Variants in MGAT4C observed in about 807,000 individuals in gnomAD.
The protein encoded by MGAT4C is alpha-1,3-mannosyl-glycoprotein 4-beta-N-acetylglucosaminyltransferase C.
Under a neutral mutation model 40.1 loss-of-function variants are expected in MGAT4C, and 19 were observed. The ratio of observed to expected loss-of-function variants is 0.47; its 90% confidence interval spans 0.33 to 0.70. The LOEUF is 0.70. MGAT4C is among the 30% of genes least tolerant of loss of function. The pLI is 0.02. For missense variants in MGAT4C, 491 were observed against 563.2 expected (o/e 0.87, Z 1.30); for synonymous variants, 181 against 187.1 (o/e 0.97, Z 0.27).
intron 2 of MGAT4C, among the ~76,000 whole-genome samples, chr12:86,713,434 G>A (rs1950593832): frequency 6.6e-6 from 1 of 151,874 alleles, no homozygotes; most frequent in Admixed American, 6.6e-5. Flanking sequence ...ATCTTTTTGG[G>A]TTCTCACATC....
rs1233801477 is a variant in MGAT4C at position 86,603,754 on chromosome 12, A to G, written c.-229+123455T>C. Among the ~76,000 whole-genome samples, 9 of 130,268 alleles carry G rather than the reference A, an allele frequency of 6.9e-5. No individual in the cohort carries two copies. In the East Asian group the frequency reaches 1.7e-3, roughly 25 times the overall value. 85.5% of individuals were successfully genotyped at this position (130,268 alleles called of 152,430 possible). A position where few individuals can be genotyped will look rare whatever the true frequency, so the allele number is the denominator to read the frequency against. ...TAATTATATATACTATATATTATAT[A>G]TAATATATAGTATAATTATATATAC... is the stretch of plus-strand genomic sequence containing the variant. On this transcript the variant is annotated intron_variant, in intron 2 of 7. Coordinates refer to the MGAT4C transcript ENST00000548651.
chr12:86,051,167 G>C (rs558409551), intron 1 of MGAT4C, among the ~76,000 whole-genome samples: 2 of 151,960 alleles, frequency 1.3e-5, no homozygotes, highest in African/African-American at 4.8e-5. Context: ...AGGCAACCAG[G>C]AAAAACAGCA....
intron 2 of MGAT4C, among the ~76,000 whole-genome samples, chr12:86,645,737 T>G (rs61950837): frequency 0.042 from 6,312 of 151,868 alleles, 188 homozygotes; most frequent in Non-Finnish European, 0.066. Flanking sequence ...CATTTCATTC[T>G]TCTTGACAGC....
intron 4 of MGAT4C, among the ~76,000 whole-genome samples, chr12:86,329,214 C>T (rs1007341682): frequency 4.6e-5 from 7 of 151,892 alleles, no homozygotes; most frequent in African/African-American, 1.7e-4. Flanking sequence ...AGTTACATAA[C>T]CTTGTTCCAA....
intron 2 of MGAT4C, among the ~76,000 whole-genome samples, chr12:86,021,028 C>T (rs1889671360): frequency 6.6e-6 from 1 of 152,104 alleles, no homozygotes; most frequent in Non-Finnish European, 1.5e-5. Flanking sequence ...CAAATCAAAA[C>T]CACAATGAGA....
chr12:86,826,803 G>T (rs1952818076), intron 1 of MGAT4C, among the ~76,000 whole-genome samples: 1 of 151,186 alleles, frequency 6.6e-6, no homozygotes, highest in South Asian at 2.1e-4. Flanking sequence ...GAAATGGGGG[G>T]AGGTTCCACC....
Position 86,405,782 on chromosome 12 carries a change from T to G in MGAT4C, c.-120+29375A>C, listed in dbSNP as rs1325577388. Among the ~76,000 whole-genome samples the G allele has an allele frequency of 2.0e-5, 3 of 151,252 alleles. No homozygotes were observed. The East Asian group carries it at 5.8e-4, about 29-fold the overall frequency. On this transcript the variant is annotated intron_variant, in intron 3 of 7. Transcript: ENST00000548651. ...TAGAAAATAGTTTGATGGACCAGAA[T>G]AGAGACCCCAGAAATTAATTTACAC...
intron 2 of MGAT4C, among the ~76,000 whole-genome samples, chr12:86,486,416 AC>A (rs1958020769): frequency 7.3e-5 from 10 of 137,914 alleles, no homozygotes; most frequent in African/African-American, 2.6e-4. Flanking sequence ...ACACACACAC[AC>A]ACAAAAGAGC....
intron 1 of MGAT4C, among the ~76,000 whole-genome samples, chr12:86,761,450 A>G (rs912133702): frequency 3.3e-5 from 5 of 152,372 alleles, no homozygotes; most frequent in African/African-American, 1.2e-4. Flanking sequence ...TGGTTTCCAT[A>G]GATCTGGAGC....
chr12:86,097,251 T>G (rs938586250), intron 1 of MGAT4C, among the ~76,000 whole-genome samples: 3 of 151,652 alleles, frequency 2.0e-5, no homozygotes, highest in Non-Finnish European at 4.4e-5. Context: ...TTAAGTGTTG[T>G]ATTGCAAGAA....
chr12:86,235,273 C>A (rs1242715206), intron 1 of MGAT4C, among the ~76,000 whole-genome samples: 1 of 152,034 alleles, frequency 6.6e-6, no homozygotes, highest in Non-Finnish European at 1.5e-5. Flanking sequence ...CACATCATCT[C>A]TTTCCTCAAT....
At chr12:86,359,583 G>A (rs954758950) in intron 3 of MGAT4C, among the ~76,000 whole-genome samples, 4 of 151,824 alleles carry the variant, frequency 2.6e-5, no homozygotes, top group Non-Finnish European at 4.4e-5. Context: ...TAGACTGCTA[G>A]CAAGACTAAT....
intron 2 of MGAT4C, among the ~76,000 whole-genome samples, chr12:86,586,088 T>G (rs1961024341): frequency 1.5e-5 from 2 of 137,656 alleles, no homozygotes; most frequent in Admixed American, 1.5e-4. Context: ...CTCCTAAAGC[T>G]ATCCCTCCCC....
chr12:86,786,806 C>A (rs1951938349), intron 1 of MGAT4C, among the ~76,000 whole-genome samples: 1 of 152,050 alleles, frequency 6.6e-6, no homozygotes, highest in Non-Finnish European at 1.5e-5. Context: ...TGTATTCTCT[C>A]CTTAATTAGG....
Position 86,602,328 on chromosome 12 carries a change from TG to T in MGAT4C, c.-229+124880del, listed in dbSNP as rs1961815384. Among the ~76,000 whole-genome samples, 5 of 152,298 alleles carry T rather than the reference TG, an allele frequency of 3.3e-5. No homozygotes were observed. The South Asian group carries it at 8.3e-4, about 25-fold the overall frequency. ...GCGAAGCCATACCCTAAGGATCCTG[TG>T]ACAATAAGGTGGTACTTCTTGTTAA... On this transcript the variant is annotated intron_variant, in intron 2 of 7. Coordinates refer to the MGAT4C transcript ENST00000548651.
intron 2 of MGAT4C, among the ~76,000 whole-genome samples, chr12:86,644,680 C>T (rs186950981): frequency 7.9e-5 from 12 of 151,272 alleles, no homozygotes; most frequent in Admixed American, 4.6e-4. Flanking sequence ...TGTAGACTGA[C>T]GAATAGATCA....
chr12:86,219,040 C>T (rs1593266536), intron 1 of MGAT4C, among the ~76,000 whole-genome samples: 2 of 151,902 alleles, frequency 1.3e-5, no homozygotes, highest in Non-Finnish European at 2.9e-5. Context: ...ATTAGCTGGG[C>T]GTGGTGGCAG....
At chr12:85,995,306 T>C (rs1472625297) in intron 2 of MGAT4C, among the ~76,000 whole-genome samples, 5 of 152,108 alleles carry the variant, frequency 3.3e-5, no homozygotes, top group Non-Finnish European at 7.4e-5. Flanking sequence ...GTACCTAGAA[T>C]TTGAGTGGCA....
intron 1 of MGAT4C, among the ~76,000 whole-genome samples, chr12:86,160,264 T>G: frequency 6.6e-6 from 1 of 152,198 alleles, no homozygotes. Context: ...TCAAAGACTT[T>G]TTTATTTCTG....
Sources: gnomAD v4.1 joint callset for allele counts (sites outside exome capture counted in the v4.1 genomes callset) on GRCh38, gnomAD v4.1.1 for gene constraint, MANE v1.5 for transcripts, NCBI Gene and HGNC (gene_info 2026-07-23, HGNC 2026-07-21) for gene names.